The following RUBCN variants were observed in gnomAD, a reference collection of about 807,000 sequenced individuals.
RUBCN encodes the protein run domain Beclin-1-interacting and cysteine-rich domain-containing protein.
RUBCN carries 74 observed loss-of-function variants against 113.2 expected under a neutral mutation model. The ratio of observed to expected loss-of-function variants is 0.65; its 90% CI spans 0.54 to 0.79. The LOEUF is 0.79. RUBCN is among the 30% of genes least tolerant of loss of function. RUBCN has a pLI of 0.00. For synonymous variants in RUBCN, 480 were observed against 490.0 expected (o/e 0.98, Z 0.27); for missense variants, 1,109 against 1,251.7 (o/e 0.89, Z 1.72).
At position 197,718,143 on chromosome 3, in the gene RUBCN, CAGTTACACCAATCGTT is replaced by C; in HGVS notation, c.66-29_66-14del. 6.2e-7 allele frequency: 1 copy of C among 1,614,148 alleles called. No homozygotes were observed. The highest frequency in any genetic ancestry group is 1.7e-5 in the Admixed American group (1 of 60,022). On this transcript the variant is annotated splice_polypyrimidine_tract_variant and intron_variant, in intron 1 of 19. Coordinates refer to ENST00000296343, the MANE Select transcript of RUBCN (RefSeq NM_014687.4). The stretch of plus-strand genomic sequence containing the variant: ...CCAGTGCTCCCTCCTGCAAGGGCAT[CAGTTACACCAATCGTT>C]AGTTACCTTTGCTGTACTTGATCCT...
At chr3:197,731,524 G>A (rs1384570452) in intron 1 of RUBCN, among the ~76,000 whole-genome samples, 3 of 152,232 alleles carry the variant, frequency 2.0e-5, no homozygotes, top group Admixed American at 6.5e-5. Context: ...CCTCCCAGAC[G>A]GGGTGGTGGC....
At chr3:197,714,093 C>T (rs960091806) in intron 2 of RUBCN, among the ~76,000 whole-genome samples, 1 of 151,822 alleles carries the variant, frequency 6.6e-6, no homozygotes, top group Non-Finnish European at 1.5e-5. Context: ...AAAGAGAATA[C>T]AAAGACAAAA....
At chr3:197,718,981 A>G (rs981991039) in intron 1 of RUBCN, among the ~76,000 whole-genome samples, 2 of 152,220 alleles carry the variant, frequency 1.3e-5, no homozygotes, top group Admixed American at 6.5e-5. Flanking sequence ...TGGACTGCCA[A>G]CTTTTGCCCA....
At position 197,703,030 on chromosome 3, in the gene RUBCN, A is replaced by G. The variant is rs1445721244; in HGVS notation, c.570+518T>C. On this transcript the variant is annotated intron_variant, in intron 5 of 19. Transcript: ENST00000296343. ...CCTCCCCACTCCCCAGCTTAGGTCT[A>G]CTAAGCACACGACCTAAGCCTAGAC... Among the ~76,000 whole-genome samples, 5 of 152,050 alleles carry G rather than the reference A, an allele frequency of 3.3e-5. No homozygotes were observed. The East Asian group carries it at 9.7e-4, about 29-fold the overall frequency.
At chr3:197,690,047 C>G (rs750030154) in intron 11 of RUBCN, among the ~76,000 whole-genome samples, 6 of 152,206 alleles carry the variant, frequency 3.9e-5, no homozygotes, top group African/African-American at 7.2e-5. Context: ...AGTGAGAACA[C>G]GGGAGCTCCT....
intron 1 of RUBCN, among the ~76,000 whole-genome samples, chr3:197,732,407 G>A (rs1028446240): frequency 4.6e-5 from 7 of 152,120 alleles, no homozygotes; most frequent in Non-Finnish European, 5.9e-5. Flanking sequence ...TCCGCCTCCC[G>A]GGTTCACGCC....
chr3:197,737,878 A>G (rs1027734933), upstream of RUBCN, among the ~76,000 whole-genome samples: 1 of 152,060 alleles, frequency 6.6e-6, no homozygotes, highest in Admixed American at 6.6e-5. Context: ...GGGTTGCCAG[A>G]TACTCTGGTT....
At position 197,693,707 on chromosome 3, in the gene RUBCN, C is replaced by T. The variant is rs1272042219; in HGVS notation, c.1786+8G>A. 6.3e-7 allele frequency: 1 copy of T among 1,590,144 alleles called. No individual in the cohort carries two copies. The highest frequency in any genetic ancestry group is 8.6e-7 in the Non-Finnish European group (1 of 1,158,070). ...AAAGTTCCCTTGTAACAAAGTGTCACTTCTTACCTTGGATTTCAAATTCAT... is the reference window on the plus strand; with the variant it reads ...AAAGTTCCCTTGTAACAAAGTGTCATTTCTTACCTTGGATTTCAAATTCAT... On this transcript the variant is annotated splice_region_variant and intron_variant, in intron 11 of 19. Coordinates refer to ENST00000296343, the MANE Select transcript of RUBCN (RefSeq NM_014687.4).
At chr3:197,748,607 T>C (rs1225108122) in intron 1 of RUBCN, among the ~76,000 whole-genome samples, 1 of 152,216 alleles carries the variant, frequency 6.6e-6, no homozygotes, top group Non-Finnish European at 1.5e-5. Context: ...ACATAATCTG[T>C]GTGAAGACTC....
chr3:197,684,512 G>A (rs1324037438), intron 11 of RUBCN, among the ~76,000 whole-genome samples: 3 of 152,032 alleles, frequency 2.0e-5, no homozygotes, highest in African/African-American at 7.3e-5. Context: ...GAGAAGACGA[G>A]CATCCTAAGG....
intron 11 of RUBCN, among the ~76,000 whole-genome samples, chr3:197,684,821 T>C (rs1218901179): frequency 1.3e-5 from 2 of 152,190 alleles, no homozygotes; most frequent in East Asian, 1.9e-4. Flanking sequence ...ATGAAATATA[T>C]GTGAAATTGG....
chr3:197,676,684 C>T (rs957720652), intron 18 of RUBCN: 23 of 1,435,282 alleles, frequency 1.6e-5, no homozygotes, highest in Non-Finnish European at 2.1e-5. Flanking sequence ...ACCAGCTCCT[C>T]CCCTCACTCG....
At chr3:197,748,350 T>G (rs1011202594) in intron 1 of RUBCN, 1 of 152,188 alleles carries the variant, frequency 6.6e-6, no homozygotes, top group Non-Finnish European at 1.5e-5. Context: ...TGCCAAATAT[T>G]GTTCTTGAGT....
chr3:197,695,735 A>G, intron 9 of RUBCN, 131 bp downstream of exon 9: 1 of 812,242 alleles, frequency 1.2e-6, no homozygotes, highest in Non-Finnish European at 2.1e-6. Context: ...GAACTTGCTG[A>G]GCTTCCCTTT....
At chr3:197,718,778 T>C (rs565694635) in intron 1 of RUBCN, among the ~76,000 whole-genome samples, 2 of 152,164 alleles carry the variant, frequency 1.3e-5, no homozygotes, top group African/African-American at 2.4e-5. Flanking sequence ...CTGCACAATA[T>C]ACAAAAAGAT....
intron 16 of RUBCN, among the ~76,000 whole-genome samples, chr3:197,679,620 T>C (rs1358251077): frequency 1.8e-4 from 24 of 130,098 alleles, no homozygotes; most frequent in African/African-American, 3.3e-4. Flanking sequence ...ACAACTGGCT[T>C]CAGACTGTCC....
Position 197,675,267 on chromosome 3 carries a change from G to A in RUBCN, c.2741-71C>T, listed in dbSNP as rs758746146. ...TATCTCCAGCTAGAGGTCAGTTGCT[G>A]CCACAGCCCCTTCTCGCCACCAAGG... On this transcript the variant is annotated intron_variant, in intron 19 of 19. Coordinates refer to ENST00000296343, the MANE Select transcript of RUBCN (RefSeq NM_014687.4). This position sits in a 1 kb window ranked among gnomAD's most constrained non-coding sequence, Gnocchi z 4.4. 214 of 1,586,592 alleles carry A rather than the reference G, an allele frequency of 1.3e-4. No individual in the cohort carries two copies. Among genetic ancestry groups the A allele is most frequent in the Non-Finnish European group, 1.8e-4 (204 of 1,155,612 alleles).
At chr3:197,693,909 C>A in intron 10 of RUBCN, 93 bp from the exon 11 acceptor site, 1 of 837,898 alleles carries the variant, frequency 1.2e-6, no homozygotes, top group Non-Finnish European at 2.0e-6. Flanking sequence ...GATATGACCT[C>A]AACAGAGAGA....
intron 2 of RUBCN, among the ~76,000 whole-genome samples, chr3:197,710,304 G>A (rs898613923): frequency 3.3e-5 from 5 of 152,140 alleles, no homozygotes; most frequent in African/African-American, 7.2e-5. Flanking sequence ...GCCACCATAA[G>A]AAATGTCAAA....
Sources: allele counts gnomAD v4.1 joint callset (sites outside exome capture counted in the v4.1 genomes callset), GRCh38; gene constraint gnomAD v4.1.1; non-coding constraint Gnocchi (gnomAD v3.1); transcripts MANE v1.5; gene names NCBI Gene and HGNC (gene_info 2026-07-23, HGNC 2026-07-21).